Variants in FAM227B observed in about 807,000 individuals in gnomAD.
FAM227B encodes protein FAM227B.
Under a neutral mutation model 73.8 loss-of-function variants are expected in FAM227B, and 88 were observed. The observed-to-expected ratio is 1.19, with a 90% CI of 1.00 to 1.42. The LOEUF (loss-of-function observed/expected upper bound fraction) is 1.42, where lower values mean the gene tolerates loss of function less well. Ranked by LOEUF, FAM227B falls within the 40% of genes most tolerant of loss-of-function variation. FAM227B has a pLI of 0.00. For missense variants in FAM227B, 632 were observed against 590.9 expected (o/e 1.07, Z -0.72); for synonymous variants, 210 against 190.5 (o/e 1.10, Z -0.84).
intron 11 of FAM227B, among the ~76,000 whole-genome samples, chr15:49,373,570 TCTTA>T (rs1342115237): frequency 2.0e-5 from 3 of 152,152 alleles, no homozygotes; most frequent in Non-Finnish European, 2.9e-5. Context: ...TCTTAACTGT[TCTTA>T]CTAAGTCTCC....
rs868684203 is a variant in FAM227B, at chr15:49,550,308, G to T, written c.748-8502C>A. Among the ~76,000 whole-genome samples, 29 of 126,486 alleles carry T rather than the reference G, an allele frequency of 2.3e-4. 1 individual carries two copies. Among genetic ancestry groups the T allele is most frequent in the Middle Eastern group, 6.8e-3 (1 of 146 alleles). 83.0% of individuals were successfully genotyped at this position (126,486 alleles called of 152,430 possible). On this transcript the variant is annotated intron_variant, in intron 9 of 15. Transcript: ENST00000299338. ...CGGGCAGAGGCGCCCCTCACCTCCC[G>T]GACGGGGCGGCTGGCCGGGCGGCGG...
intron 11 of FAM227B, among the ~76,000 whole-genome samples, chr15:49,503,496 G>C (rs899748232): frequency 6.6e-6 from 1 of 152,118 alleles, no homozygotes; most frequent in Non-Finnish European, 1.5e-5. Flanking sequence ...GCAACCTACA[G>C]AATGGGAGAA....
chr15:49,524,261 G>C (rs903005566), intron 10 of FAM227B, among the ~76,000 whole-genome samples: 1 of 152,150 alleles, frequency 6.6e-6, no homozygotes, highest in Admixed American at 6.5e-5. Context: ...TCCCTGCTCT[G>C]TGCAGCCTAG....
At chr15:49,531,977 G>A (rs1293887694) in intron 10 of FAM227B, among the ~76,000 whole-genome samples, 1 of 150,524 alleles carries the variant, frequency 6.6e-6, no homozygotes, top group Admixed American at 6.7e-5. Flanking sequence ...GAAATCCTTG[G>A]TGGGTTACTA....
intron 14 of FAM227B, among the ~76,000 whole-genome samples, chr15:49,332,494 G>A (rs893663701): frequency 1.3e-5 from 2 of 152,178 alleles, no homozygotes; most frequent in African/African-American, 4.8e-5. Context: ...GACTTGAATG[G>A]TTGAAATCAG....
chr15:49,557,884 C>T (rs2073876685), intron 9 of FAM227B, among the ~76,000 whole-genome samples: 1 of 152,238 alleles, frequency 6.6e-6, no homozygotes, highest in Admixed American at 6.5e-5. Context: ...GTGCCATCTG[C>T]TGTAGCCCCA....
intron 11 of FAM227B, among the ~76,000 whole-genome samples, chr15:49,395,037 G>A (rs2047477181): frequency 6.6e-6 from 1 of 152,020 alleles, no homozygotes; most frequent in Non-Finnish European, 1.5e-5. Flanking sequence ...TGTTGTTACG[G>A]ATTTGTCAGT....
chr15:49,545,608 C>T (rs2071720843), intron 9 of FAM227B, among the ~76,000 whole-genome samples: 2 of 152,092 alleles, frequency 1.3e-5, no homozygotes, highest in South Asian at 4.1e-4. Flanking sequence ...CTTTTTTAGG[C>T]TTTTTGATAT....
chr15:49,590,921 C>T (rs2076485966), intron 3 of FAM227B, among the ~76,000 whole-genome samples: 1 of 151,506 alleles, frequency 6.6e-6, no homozygotes, highest in Non-Finnish European at 1.5e-5. Context: ...CCACAGTTGC[C>T]TTTTTGTGCC....
At chr15:49,490,117 C>A (rs1368160627) in intron 11 of FAM227B, among the ~76,000 whole-genome samples, 7 of 151,326 alleles carry the variant, frequency 4.6e-5, no homozygotes, top group African/African-American at 1.5e-4. Context: ...ACTATGCCTG[C>A]TTCTTCATCT....
Position 49,489,800 on chromosome 15 carries a change from ATT to A in FAM227B, c.1012+18409_1012+18410del, listed in dbSNP as rs1163636823. Among the ~76,000 whole-genome samples the A allele has an allele frequency of 4.6e-3, 325 of 70,908 alleles. 14 individuals are homozygous for A. The highest frequency in any genetic ancestry group is 0.017 in the African/African-American group (312 of 17,978). The allele number at this position is 70,908 out of a possible 152,430, so 46.5% of individuals were successfully genotyped here. On this transcript the variant is annotated intron_variant, in intron 11 of 15. Coordinates refer to ENST00000299338, the MANE Select transcript of FAM227B (RefSeq NM_152647.3). ...TACAGAACAGGAGATATATATATAT[ATT>A]TTATATATATATATATATTTTATAT...
chr15:49,329,556 AC>A (rs1299496611), intron 15 of FAM227B: 13 of 984,892 alleles, frequency 1.3e-5, no homozygotes, highest in Non-Finnish European at 1.6e-5. Context: ...TAACAGTCAT[AC>A]ATAGAATACT....
intron 11 of FAM227B, among the ~76,000 whole-genome samples, chr15:49,442,771 C>T (rs72727291): frequency 0.051 from 7,725 of 151,794 alleles, 268 homozygotes; most frequent in East Asian, 0.068. Context: ...ACACTAGACA[C>T]TTCAAATACC....
chr15:49,471,215 G>C (rs2054712278), intron 11 of FAM227B, among the ~76,000 whole-genome samples: 1 of 152,034 alleles, frequency 6.6e-6, no homozygotes, highest in Non-Finnish European at 1.5e-5. Flanking sequence ...GCCGGATACA[G>C]TGACTCGTGC....
chr15:49,614,886 A>C, intron 2 of FAM227B: 1 of 482,940 alleles, frequency 2.1e-6, no homozygotes, highest in Non-Finnish European at 3.7e-6. Context: ...TCAGTCAGGG[A>C]GATGGATTTG....
intron 11 of FAM227B, among the ~76,000 whole-genome samples, chr15:49,498,924 TG>T (rs1353238217): frequency 3.9e-5 from 6 of 151,972 alleles, no homozygotes; most frequent in Non-Finnish European, 8.8e-5. Context: ...CCCAGCACTT[TG>T]GGAGGCCGAG....
At chr15:49,533,611 A>T (rs940572726) in intron 10 of FAM227B, among the ~76,000 whole-genome samples, 2 of 151,702 alleles carry the variant, frequency 1.3e-5, no homozygotes, top group Non-Finnish European at 3.0e-5. Flanking sequence ...TGACTGCTTT[A>T]TTATTATATG....
At chr15:49,506,653 G>A (rs1365388693) in intron 11 of FAM227B, among the ~76,000 whole-genome samples, 2 of 151,552 alleles carry the variant, frequency 1.3e-5, no homozygotes, top group Non-Finnish European at 2.9e-5. Flanking sequence ...TATCTAGAAA[G>A]GTCCCAAACA....
chr15:49,504,664 C>A (rs1024420775), intron 11 of FAM227B, among the ~76,000 whole-genome samples: 4 of 152,140 alleles, frequency 2.6e-5, no homozygotes, highest in Non-Finnish European at 1.5e-5. Flanking sequence ...GCTTCTTTCA[C>A]CATGTGATGT....
Sources: gnomAD v4.1 joint callset for allele counts (sites outside exome capture counted in the v4.1 genomes callset) on GRCh38, gnomAD v4.1.1 for gene constraint, MANE v1.5 for transcripts, NCBI Gene and HGNC (gene_info 2026-07-23, HGNC 2026-07-21) for gene names.